Variants in ROBO1 observed in about 807,000 individuals in gnomAD.
The protein encoded by ROBO1 is roundabout guidance receptor 1, also known as roundabout homolog 1.
A neutral mutation model predicts 195.9 loss-of-function variants in ROBO1; 149 were observed. That is an observed-to-expected ratio of 0.76 (90% CI 0.67 to 0.87). ROBO1 has a LOEUF of 0.87. Among genes scored for constraint, ROBO1 ranks in the 40% least tolerant of loss-of-function variants. The pLI is 0.00. For missense variants in ROBO1, 1,933 were observed against 2,068.3 expected, an observed-to-expected ratio of 0.93 and a Z score of 1.27; for synonymous variants, 816 against 733.2, an observed-to-expected ratio of 1.11 and a Z score of -1.82.
intron 2 of ROBO1, among the ~76,000 whole-genome samples, chr3:79,200,340 T>C (rs1559730757): frequency 6.6e-6 from 1 of 151,506 alleles, no homozygotes; most frequent in Admixed American, 6.6e-5. Flanking sequence ...AAAATAGGTA[T>C]TTATTTATTT....
At chr3:79,146,868 G>C (rs1372380914) in intron 2 of ROBO1, among the ~76,000 whole-genome samples, 2 of 152,030 alleles carry the variant, frequency 1.3e-5, no homozygotes, top group East Asian at 3.9e-4. Flanking sequence ...TGAATGTAGG[G>C]AAAGTTTAGA....
At chr3:78,793,575 C>G (rs1398011841) in intron 4 of ROBO1, among the ~76,000 whole-genome samples, 1 of 152,086 alleles carries the variant, frequency 6.6e-6, no homozygotes, top group Non-Finnish European at 1.5e-5. Context: ...TAAAATATGG[C>G]AGATCAAGGT....
chr3:79,748,937 G>A (rs1703997413), intron 1 of ROBO1, among the ~76,000 whole-genome samples: 1 of 152,256 alleles, frequency 6.6e-6, no homozygotes, highest in South Asian at 2.1e-4. Context: ...GAGTACAGTG[G>A]GGTCCTGCTG....
Position 79,423,797 on chromosome 3 carries a change from A to T in ROBO1, c.88+166027T>A, listed in dbSNP as rs74553626. ...AAATCCACTAGAGATTCACAGGTAT[A>T]TGTACAAGGAAACCTCTGGTGAGTA... On this transcript the variant is annotated intron_variant, in intron 2 of 30. Coordinates refer to ENST00000464233, the MANE Select transcript of ROBO1 (RefSeq NM_002941.4). 6.9e-3 allele frequency among the ~76,000 whole-genome samples: 1,048 copies of T among 152,234 alleles called. 15 individuals carry two copies. The highest frequency in any genetic ancestry group is 0.024 in the African/African-American group (994 of 41,558).
At chr3:79,591,985 G>A (rs1944012548) in intron 1 of ROBO1, among the ~76,000 whole-genome samples, 1 of 151,734 alleles carries the variant, frequency 6.6e-6, no homozygotes, top group African/African-American at 2.4e-5. Flanking sequence ...AGCTCTTGAT[G>A]TAAATAAAAA....
intron 4 of ROBO1, among the ~76,000 whole-genome samples, chr3:78,914,500 A>G (rs2038437922): frequency 6.6e-6 from 1 of 151,966 alleles, no homozygotes; most frequent in Non-Finnish European, 1.5e-5. Context: ...CCAATGTCCA[A>G]TCAACATCCT....
intron 4 of ROBO1, among the ~76,000 whole-genome samples, chr3:78,841,520 C>A (rs1218793884): frequency 6.6e-6 from 1 of 152,098 alleles, no homozygotes; most frequent in Non-Finnish European, 1.5e-5. Context: ...TGACTCGACC[C>A]AGTTACCTGA....
At chr3:78,642,692 A>T (rs567957569) in intron 21 of ROBO1, among the ~76,000 whole-genome samples, 1 of 152,194 alleles carries the variant, frequency 6.6e-6, no homozygotes, top group African/African-American at 2.4e-5. Flanking sequence ...AATGAGTAGC[A>T]ACGGCTACTT....
intron 5 of ROBO1, among the ~76,000 whole-genome samples, chr3:78,735,620 G>GATA (rs2082376059): frequency 6.6e-6 from 1 of 151,626 alleles, no homozygotes; most frequent in Admixed American, 6.6e-5. Flanking sequence ...CATACCTAAC[G>GATA]GATAAATAAG....
chr3:79,345,925 G>C (rs2035097122), intron 2 of ROBO1, among the ~76,000 whole-genome samples: 1 of 152,136 alleles, frequency 6.6e-6, no homozygotes, highest in African/African-American at 2.4e-5. Context: ...GTGCTCTGTA[G>C]ATACTTGATG....
At chr3:79,029,790 T>C (rs984391489) in intron 3 of ROBO1, among the ~76,000 whole-genome samples, 1 of 152,202 alleles carries the variant, frequency 6.6e-6, no homozygotes, top group African/African-American at 2.4e-5. Flanking sequence ...TTTTCAGCCT[T>C]TCTTTACATA....
At chr3:79,373,594 C>T (rs2036280227) in intron 2 of ROBO1, among the ~76,000 whole-genome samples, 1 of 152,118 alleles carries the variant, frequency 6.6e-6, no homozygotes, top group African/African-American at 2.4e-5. Flanking sequence ...AATACTGAGC[C>T]ACTGAAACTC....
At chr3:79,602,329 G>A (rs577278449) in intron 1 of ROBO1, among the ~76,000 whole-genome samples, 2 of 152,068 alleles carry the variant, frequency 1.3e-5, no homozygotes, top group Admixed American at 6.6e-5. Context: ...TACACAAAAG[G>A]CTGTGCATGA....
chr3:79,435,418 C>A (rs1163099543), intron 2 of ROBO1, among the ~76,000 whole-genome samples: 4 of 152,122 alleles, frequency 2.6e-5, no homozygotes, highest in African/African-American at 9.7e-5. Context: ...TTTATTTCCA[C>A]ATGCAGCACT....
chr3:79,031,264 T>A (rs1009882687), intron 3 of ROBO1, among the ~76,000 whole-genome samples: 1 of 152,286 alleles, frequency 6.6e-6, no homozygotes, highest in East Asian at 1.9e-4. Flanking sequence ...GTACAGTAAA[T>A]ATAGTCTATT....
chr3:79,164,896 C>CA (rs1296176251), intron 2 of ROBO1, among the ~76,000 whole-genome samples: 3 of 152,174 alleles, frequency 2.0e-5, no homozygotes, highest in Admixed American at 1.3e-4. Flanking sequence ...GAATCCTCTG[C>CA]ATTTTTCTCA....
intron 2 of ROBO1, among the ~76,000 whole-genome samples, chr3:79,238,061 C>T: frequency 6.6e-6 from 1 of 152,268 alleles, no homozygotes; most frequent in Non-Finnish European, 1.5e-5. Flanking sequence ...TTTGCTCAGG[C>T]TTCTCTGTGT....
chr3:79,557,735 C>A (rs13093829), intron 2 of ROBO1, among the ~76,000 whole-genome samples: 12,706 of 104,118 alleles, frequency 0.12, 1,161 homozygotes, highest in African/African-American at 0.28. Flanking sequence ...TGTCTTAAAA[C>A]AAAAAAAAAT....
chr3:79,116,674 C>T (rs554266378), intron 3 of ROBO1, among the ~76,000 whole-genome samples: 11 of 151,880 alleles, frequency 7.2e-5, no homozygotes, highest in East Asian at 3.9e-4. Context: ...CCCACCACCA[C>T]GCCCAGCTAA....
Sources: gnomAD v4.1 joint callset for allele counts (sites outside exome capture counted in the v4.1 genomes callset) on GRCh38, gnomAD v4.1.1 for gene constraint, MANE v1.5 for transcripts, NCBI Gene and HGNC (gene_info 2026-07-23, HGNC 2026-07-21) for gene names.